The following QSER1 variants were observed in gnomAD, a reference collection of about 807,000 sequenced individuals.
QSER1 encodes glutamine and serine rich 1.
A neutral mutation model predicts 158.5 loss-of-function variants in QSER1; 49 were observed. The ratio of observed to expected loss-of-function variants is 0.31; its 90% confidence interval spans 0.25 to 0.39. The LOEUF (loss-of-function observed/expected upper bound fraction) is 0.39, where lower values mean the gene tolerates loss of function less well. Ranked by LOEUF, QSER1 falls within the 10% of genes least tolerant of loss-of-function variation. QSER1 has a pLI of 1.00. For synonymous variants in QSER1, 650 were observed against 715.5 expected (o/e 0.91, Z 1.46); for missense variants, 1,754 against 2,010.3 (o/e 0.87, Z 2.44).
rs184313027 is a variant in QSER1, at chr11:32,920,503, G to A, written c.210-6654G>A. ...GATATGCTATCAAAAGCATGAGTGT[G>A]ACAAAGGAAAAAATAAATTGGACTT... On this transcript the variant is annotated intron_variant, in intron 1 of 12. Coordinates refer to ENST00000650167, the MANE Select transcript of QSER1 (RefSeq NM_001076786.3). Among the ~76,000 whole-genome samples, 4 of 152,240 alleles carry A rather than the reference G, an allele frequency of 2.6e-5. No homozygotes were observed. The South Asian group carries it at 6.2e-4, about 24-fold the overall frequency.
intron 9 of QSER1, among the ~76,000 whole-genome samples, chr11:32,967,565 G>A (rs1852774193): frequency 6.6e-6 from 1 of 152,120 alleles, no homozygotes; most frequent in Admixed American, 6.5e-5. Context: ...TGTATATGTG[G>A]TCTGTCATTG....
intron 1 of QSER1, among the ~76,000 whole-genome samples, chr11:32,918,801 C>T (rs1851866994): frequency 6.6e-6 from 1 of 151,970 alleles, no homozygotes; most frequent in Non-Finnish European, 1.5e-5. Flanking sequence ...CCCCAAAAAC[C>T]CCTGATATTT....
In QSER1 at chr11:32,931,863, C is replaced by T. The variant is rs577613656; in HGVS notation, c.605C>T (p.Ala202Val). ...HPTTFSNRNF[A>V]TTSPLVLQDS... ...ACCACCTTCAGCAATAGAAACTTTGCTACCACTTCACCTTTGGTGCTTCAG... is the reference window on the plus strand; with the variant it reads ...ACCACCTTCAGCAATAGAAACTTTGTTACCACTTCACCTTTGGTGCTTCAG... The change falls in exon 4 of 13, where the codon GCT (alanine) becomes GTT (valine). Residue 202 changes from alanine to valine, a missense_variant. Ala to Val is a moderately conservative substitution (Grantham distance 64). Coordinates refer to ENST00000650167, the MANE Select transcript of QSER1 (RefSeq NM_001076786.3). The T allele has an allele frequency of 1.5e-4, 243 of 1,614,210 alleles. 1 individual carries two copies. The South Asian group carries it at 2.5e-3, about 16-fold the overall frequency.
chr11:32,902,913 G>A (rs1274601683), intron 1 of QSER1, among the ~76,000 whole-genome samples: 1 of 152,148 alleles, frequency 6.6e-6, no homozygotes, highest in African/African-American at 2.4e-5. Flanking sequence ...GTCCAATATC[G>A]TTGCTAGTAA....
At chr11:32,972,783 CA>C (rs1332173016) in intron 10 of QSER1, among the ~76,000 whole-genome samples, 1 of 152,094 alleles carries the variant, frequency 6.6e-6, no homozygotes, top group African/African-American at 2.4e-5. Flanking sequence ...GCCACATAAC[CA>C]CTGTCAAAAA....
Position 32,932,447 on chromosome 11 carries a change from A to T in QSER1, c.1189A>T (p.Ile397Phe). The change falls in exon 4 of 13, where the codon ATT becomes TTT. Residue 397 changes from isoleucine to phenylalanine, a missense_variant. Physicochemically the swap from Ile to Phe is conservative, Grantham distance 21. Around this residue, in one of 2 missense-constraint regions of QSER1, gnomAD observed 1,707 missense variants for 1,919.6 expected, o/e 0.89. Coordinates refer to ENST00000650167, the MANE Select transcript of QSER1 (RefSeq NM_001076786.3). ...ACTTGCTCAGTCTTACTCATCTGCG[A>T]TTCCATCATCAGGGTATCCTCCTTC... is the stretch of plus-strand genomic sequence containing the variant. ...VELAQSYSSAIPSSGYPPSTT... is the reference protein window; with the variant it reads ...VELAQSYSSAFPSSGYPPSTT... 1 of 1,613,464 alleles carries T rather than the reference A, an allele frequency of 6.2e-7. No homozygotes were observed. Among genetic ancestry groups the T allele is most frequent in the Non-Finnish European group, 8.5e-7 (1 of 1,179,984 alleles).
intron 8 of QSER1, among the ~76,000 whole-genome samples, chr11:32,963,765 C>T (rs1852673088): frequency 6.6e-6 from 1 of 152,200 alleles, no homozygotes; most frequent in Admixed American, 6.5e-5. Context: ...CTGGCACAAG[C>T]AATCTTCTCA....
chr11:32,969,736 T>C (rs1350109134), intron 10 of QSER1, among the ~76,000 whole-genome samples: 1 of 150,350 alleles, frequency 6.7e-6, no homozygotes, highest in Non-Finnish European at 1.5e-5. Flanking sequence ...CCAGGCTACA[T>C]TGCAGTGGCA....
Position 32,892,817 on chromosome 11 carries a change from G to A in QSER1, c.-309G>A, listed in dbSNP as rs916433663. ...GGAGGGGGGCGGGAGGTGCATCCTG[G>A]GAAATCCACCAACATGGGGCGCAGC... is the stretch of plus-strand genomic sequence containing the variant. On this transcript the variant is annotated 5_prime_UTR_variant, in exon 1 of 13. Transcript: ENST00000650167. 6.7e-6 allele frequency among the ~76,000 whole-genome samples: 1 copy of A among 148,978 alleles called. No homozygotes were observed. The highest frequency in any genetic ancestry group is 2.5e-5 in the African/African-American group (1 of 40,524).
Position 32,976,446 on chromosome 11 carries a change from T to C in QSER1, c.5567T>C (p.Leu1856Pro). The C allele has an allele frequency of 6.2e-7, 1 of 1,607,880 alleles. No homozygotes were observed. Among genetic ancestry groups the C allele is most frequent in the Non-Finnish European group, 8.5e-7 (1 of 1,178,134 alleles). ...EDLFEKFGEL[L>P]NHVQQKCS ...CTCTTTGAAAAATTTGGAGAACTTC[T>C]AAATCATGTACAGCAGAAATGTTCC... The change falls in exon 13 of 13, where the codon CTA (leucine) becomes CCA (proline). Residue 1856 changes from leucine (L) to proline (P), a missense_variant. This residue lies in a region of QSER1 where 47 missense variants were observed against 90.7 expected (regional missense o/e 0.52). Coordinates refer to ENST00000650167, the MANE Select transcript of QSER1 (RefSeq NM_001076786.3).
intron 12 of QSER1, among the ~76,000 whole-genome samples, chr11:32,975,908 T>A (rs903577650): frequency 1.3e-5 from 2 of 152,258 alleles, no homozygotes; most frequent in African/African-American, 4.8e-5. Flanking sequence ...CTACCTTATT[T>A]GACCAGCACT....
In QSER1 at chr11:32,928,011, TAA is replaced by T; in HGVS notation, c.374_375del (p.Lys125ArgfsTer12). ...GTGTGAACAGTGCCAGCAGTAACACTAAAGAGTCTTCAGTGATGAATTTTCTG... is the reference window on the plus strand; with the variant it reads ...GTGTGAACAGTGCCAGCAGTAACACTAGAGTCTTCAGTGATGAATTTTCTG... ...TSVNSASSNTKESSVMNFLST... is the reference protein window; with the variant it reads ...TSVNSASSNTXESSVMNFLST... On this transcript the variant is annotated frameshift_variant, in exon 3 of 13. Transcript: ENST00000650167. LOFTEE classifies it high-confidence loss of function. The T allele has an allele frequency of 6.5e-7, 1 of 1,545,372 alleles. No individual in the cohort carries two copies. The highest frequency in any genetic ancestry group is 1.1e-5 in the South Asian group (1 of 89,608).
At chr11:32,955,910 GA>G (rs1325842387) in intron 6 of QSER1, 77 bp from the exon 7 acceptor site, 1 of 1,335,896 alleles carries the variant, frequency 7.5e-7, no homozygotes, top group African/African-American at 1.5e-5. Flanking sequence ...TTGGCTATGG[GA>G]TAGTCAATTG....
At chr11:32,901,686 T>A (rs1359394797) in intron 1 of QSER1, among the ~76,000 whole-genome samples, 1 of 152,098 alleles carries the variant, frequency 6.6e-6, no homozygotes, top group Non-Finnish European at 1.5e-5. Context: ...AAAGGTGTGG[T>A]TCATTGGGGA....
intron 9 of QSER1, among the ~76,000 whole-genome samples, chr11:32,968,050 C>T (rs1852781408): frequency 6.6e-6 from 1 of 152,080 alleles, no homozygotes; most frequent in Non-Finnish European, 1.5e-5. Context: ...GTAGTCATTT[C>T]TGTATAGTTG....
chr11:32,975,200 G>C (rs1457290230), intron 11 of QSER1, 48 bp from the exon 12 acceptor site: 1 of 1,352,046 alleles, frequency 7.4e-7, no homozygotes, highest in Non-Finnish European at 1.0e-6. Flanking sequence ...AGTGTTCTTA[G>C]CTCAGATACT....
At chr11:32,953,601 T>C (rs1029443574) in intron 4 of QSER1, among the ~76,000 whole-genome samples, 1 of 152,208 alleles carries the variant, frequency 6.6e-6, no homozygotes, top group African/African-American at 2.4e-5. Flanking sequence ...AATTTTGCTC[T>C]ACTTACATGG....
chr11:32,904,158 G>T (rs1387640597), intron 1 of QSER1, among the ~76,000 whole-genome samples: 1 of 151,284 alleles, frequency 6.6e-6, no homozygotes, highest in Non-Finnish European at 1.5e-5. Context: ...AGGCCTTTCT[G>T]CAGTCAAGGC....
In QSER1 at chr11:32,931,973, C is replaced by G. The variant is rs200687979; in HGVS notation, c.715C>G (p.Pro239Ala). ...AATCAAGACTTCCCAGGGAACTGTTCCAACTGCTTTGGCATTTGAGCGCCT... is the reference window on the plus strand; with the variant it reads ...AATCAAGACTTCCCAGGGAACTGTTGCAACTGCTTTGGCATTTGAGCGCCT... ...LQIKTSQGTV[P>A]TALAFERLGS... Residue 239 changes from proline (P) to alanine (A), a missense_variant, in exon 4 of 13, where the codon CCA becomes GCA. By Grantham distance (27) the Pro-to-Ala change is conservative (BLOSUM62 -1). Coordinates refer to ENST00000650167, the MANE Select transcript of QSER1 (RefSeq NM_001076786.3). 3.1e-6 allele frequency: 5 copies of G among 1,614,188 alleles called. No individual in the cohort carries two copies. Among genetic ancestry groups the G allele is most frequent in the Non-Finnish European group, 4.2e-6 (5 of 1,180,014 alleles).
Sources: allele counts gnomAD v4.1 joint callset (sites outside exome capture counted in the v4.1 genomes callset), GRCh38; gene constraint gnomAD v4.1.1; regional missense constraint gnomAD v4.1.1; transcripts MANE v1.5; gene names NCBI Gene and HGNC (gene_info 2026-07-23, HGNC 2026-07-21).